Variants in AGGF1 observed in about 807,000 individuals in gnomAD.
AGGF1 encodes the protein angiogenic factor with G-patch and FHA domains 1.
Under a neutral mutation model 86.5 loss-of-function variants are expected in AGGF1, and 56 were observed. The ratio of observed to expected loss-of-function variants is 0.65; its 90% confidence interval spans 0.52 to 0.81. AGGF1 has a LOEUF of 0.81. Ranked by LOEUF, AGGF1 falls within the 30% of genes least tolerant of loss-of-function variation. The pLI is 0.00. For synonymous variants in AGGF1, 313 were observed against 297.1 expected (o/e 1.05, Z -0.55); for missense variants, 816 against 850.9 (o/e 0.96, Z 0.51).
Position 77,055,502 on chromosome 5 carries a change from T to C in AGGF1, c.1634-12T>C. The C allele has an allele frequency of 6.3e-7, 1 of 1,576,534 alleles. No homozygotes were observed. Among genetic ancestry groups the C allele is most frequent in the Non-Finnish European group, 8.7e-7 (1 of 1,148,218 alleles). On this transcript the variant is annotated splice_polypyrimidine_tract_variant and intron_variant, in intron 10 of 13. Transcript: ENST00000312916. ...TAGTGGCTTTTTTTTAACCAAACTT[T>C]TTTTCTTTCAGTTGGTCCAACACTA...
rs970644581 is a variant in AGGF1 at position 77,045,082 on chromosome 5, AAG to A, written c.871-1263_871-1262del. Among the ~76,000 whole-genome samples the A allele has an allele frequency of 3.3e-3, 501 of 152,204 alleles. 4 individuals are homozygous for A. Among genetic ancestry groups the A allele is most frequent in the African/African-American group, 0.011 (472 of 41,532 alleles). ...TCCGTCTCAAAAAAAAAAAAAAAGA[AAG>A]AAAGGTGTGTGAGATGCTCTCATAT... On this transcript the variant is annotated intron_variant, in intron 5 of 13. Transcript: ENST00000312916.
Position 77,030,433 on chromosome 5 carries a change from G to A in AGGF1, c.-334G>A, listed in dbSNP as rs895868672. ...TTGTTTCCGGCTCAACTGGGGAGCTGCTGGAGCTCTTCTGGCCTCTGGTTT... is the reference window on the plus strand; with the variant it reads ...TTGTTTCCGGCTCAACTGGGGAGCTACTGGAGCTCTTCTGGCCTCTGGTTT... On this transcript the variant is annotated 5_prime_UTR_variant, in exon 1 of 14. Coordinates refer to ENST00000312916, the MANE Select transcript of AGGF1 (RefSeq NM_018046.5). 1.1e-5 allele frequency: 6 copies of A among 526,070 alleles called. No individual in the cohort carries two copies. The highest frequency in any genetic ancestry group is 9.5e-5 in the African/African-American group (5 of 52,572). 32.6% of individuals were successfully genotyped at this position (526,070 alleles called of 1,614,324 possible).
chr5:77,033,144 C>T (rs1328416459), intron 1 of AGGF1, among the ~76,000 whole-genome samples: 4 of 152,126 alleles, frequency 2.6e-5, no homozygotes, highest in South Asian at 2.1e-4. Context: ...TCCTAGTCAG[C>T]CTCCCTTGGT....
At chr5:77,060,130 C>A (rs1449385771) in intron 12 of AGGF1, among the ~76,000 whole-genome samples, 1 of 152,220 alleles carries the variant, frequency 6.6e-6, no homozygotes, top group Non-Finnish European at 1.5e-5. Flanking sequence ...GCGTGAGCTA[C>A]CACGTCTGGC....
In AGGF1 at chr5:77,046,426, A is replaced by T; in HGVS notation, c.950A>T (p.Lys317Ile). The T allele has an allele frequency of 6.2e-7, 1 of 1,614,042 alleles. No individual in the cohort carries two copies. The highest frequency in any genetic ancestry group is 1.1e-5 in the South Asian group (1 of 91,076). ...GAGGAAGAAAATTTCGCAAATATGA[A>T]AAAGAAGGCCAAAATAGGCATTCAT... Reference protein sequence around the residue: ...CNEEENFANMKKKAKIGIHHK... With the variant: ...CNEEENFANMIKKAKIGIHHK... The change falls in exon 6 of 14, where the codon AAA (lysine) becomes ATA (isoleucine). Residue 317 changes from lysine (K) to isoleucine (I), a missense_variant. Around this residue, in one of 3 missense-constraint regions of AGGF1, gnomAD observed 565 missense variants for 585.8 expected, o/e 0.96. Coordinates refer to ENST00000312916, the MANE Select transcript of AGGF1 (RefSeq NM_018046.5).
chr5:77,057,826 G>A (rs1479733927), intron 11 of AGGF1, among the ~76,000 whole-genome samples: 2 of 152,220 alleles, frequency 1.3e-5, no homozygotes, highest in Non-Finnish European at 2.9e-5. Context: ...CCTGTTTCCA[G>A]GTGGGGACTG....
At chr5:77,050,972 C>T (rs1458261729) in intron 8 of AGGF1, among the ~76,000 whole-genome samples, 1 of 152,100 alleles carries the variant, frequency 6.6e-6, no homozygotes, top group Non-Finnish European at 1.5e-5. Flanking sequence ...TTTCATTCAT[C>T]ATTTATTAAA....
At chr5:77,031,969 C>G (rs940199055) in intron 1 of AGGF1, among the ~76,000 whole-genome samples, 2 of 151,948 alleles carry the variant, frequency 1.3e-5, no homozygotes, top group Non-Finnish European at 2.9e-5. Flanking sequence ...CCCTCTCTGC[C>G]AACAGATTAT....
chr5:77,050,529 T>A (rs1747353941), intron 8 of AGGF1, among the ~76,000 whole-genome samples: 1 of 151,920 alleles, frequency 6.6e-6, no homozygotes, highest in Admixed American at 6.6e-5. Context: ...CATCCGCTAG[T>A]GGGGTGGATA....
At chr5:77,062,994 G>A in intron 13 of AGGF1, 58 bp from the exon 14 acceptor site, 2 of 1,578,528 alleles carry the variant, frequency 1.3e-6, no homozygotes, top group Admixed American at 3.3e-5. Context: ...GTTGGACACA[G>A]CAGATTTCAA....
chr5:77,059,176 A>G (rs1389434620), intron 11 of AGGF1, among the ~76,000 whole-genome samples: 2 of 152,216 alleles, frequency 1.3e-5, no homozygotes, highest in Non-Finnish European at 1.5e-5. Flanking sequence ...AGTAGTTCAT[A>G]TGACAAGATG....
intron 12 of AGGF1, among the ~76,000 whole-genome samples, chr5:77,061,263 T>C (rs960745752): frequency 2.6e-4 from 39 of 152,208 alleles, no homozygotes; most frequent in Non-Finnish European, 8.8e-5. Context: ...GTAATCACCA[T>C]CCTAACAGCA....
intron 8 of AGGF1, among the ~76,000 whole-genome samples, chr5:77,050,658 A>T (rs1476022957): frequency 6.6e-6 from 1 of 152,194 alleles, no homozygotes; most frequent in Non-Finnish European, 1.5e-5. Flanking sequence ...TAGATAGAAG[A>T]CTTTCTGAGT....
In AGGF1 at chr5:77,046,376, C is replaced by T; in HGVS notation, c.900C>T (p.Phe300=). Reference sequence around the variant, plus strand: ...TGAACTCAGAGGATCAAAAAGCCTTCAGTGTTGAACATACAAGCTGCAATG... The same window carrying T: ...TGAACTCAGAGGATCAAAAAGCCTTTAGTGTTGAACATACAAGCTGCAATG... ...KDLNSEDQKA[F]SVEHTSCNEE... Residue 300 remains phenylalanine, a synonymous_variant, in exon 6 of 14, where the codon TTC becomes TTT. Coordinates refer to ENST00000312916, the MANE Select transcript of AGGF1 (RefSeq NM_018046.5). 6.2e-7 allele frequency: 1 copy of T among 1,613,762 alleles called. No individual in the cohort carries two copies. The highest frequency in any genetic ancestry group is 8.5e-7 in the Non-Finnish European group (1 of 1,179,956).
At chr5:77,045,328 C>T (rs1054844876) in intron 5 of AGGF1, among the ~76,000 whole-genome samples, 3 of 152,174 alleles carry the variant, frequency 2.0e-5, no homozygotes, top group African/African-American at 7.2e-5. Context: ...TTTTAAGTTT[C>T]TTACCACAGA....
rs957409472 is a variant in AGGF1 at position 77,064,388 on chromosome 5, G to A, written c.*1136G>A. The A allele has an allele frequency of 6.6e-6, 1 of 152,126 alleles. No individual in the cohort carries two copies. Among genetic ancestry groups the A allele is most frequent in the East Asian group, 1.9e-4 (1 of 5,198 alleles). The allele number at this position is 152,126 out of a possible 1,614,324, so 9.4% of individuals were successfully genotyped here. A position where few individuals can be genotyped will look rare whatever the true frequency, so the allele number is the denominator to read the frequency against. ...CCATCTACTATAAAGAAATGTCTTC[G>A]AGATGTAGAAATAAGGAATATTCTG... On this transcript the variant is annotated 3_prime_UTR_variant, in exon 14 of 14. Coordinates refer to ENST00000312916, the MANE Select transcript of AGGF1 (RefSeq NM_018046.5).
intron 5 of AGGF1, among the ~76,000 whole-genome samples, chr5:77,042,467 C>T (rs373013195): frequency 2.4e-3 from 190 of 80,840 alleles, no homozygotes; most frequent in Middle Eastern, 6.4e-3. Flanking sequence ...CCCTCCCGGA[C>T]GGGGCGGCTG....
At chr5:77,045,365 T>C (rs1747226357) in intron 5 of AGGF1, among the ~76,000 whole-genome samples, 1 of 152,246 alleles carries the variant, frequency 6.6e-6, no homozygotes, top group African/African-American at 2.4e-5. Flanking sequence ...GTAATGTACA[T>C]GTTAATTAGC....
intron 5 of AGGF1, among the ~76,000 whole-genome samples, chr5:77,045,854 TAA>T (rs907311998): frequency 6.6e-6 from 1 of 152,262 alleles, no homozygotes; most frequent in African/African-American, 2.4e-5. Flanking sequence ...CTGTTAAGTG[TAA>T]AATACACTCT....
Sources: allele counts gnomAD v4.1 joint callset (sites outside exome capture counted in the v4.1 genomes callset), GRCh38; gene constraint gnomAD v4.1.1; regional missense constraint gnomAD v4.1.1; transcripts MANE v1.5; gene names NCBI Gene and HGNC (gene_info 2026-07-23, HGNC 2026-07-21).